The following RNF213 variants were observed in gnomAD, a reference collection of about 807,000 sequenced individuals.
RNF213 encodes the protein E3 ubiquitin-protein ligase RNF213.
RNF213 carries 341 observed loss-of-function variants against 514.4 expected under a neutral mutation model. The ratio of observed to expected loss-of-function variants is 0.66; its 90% CI spans 0.61 to 0.73. RNF213 has a LOEUF of 0.73. Ranked by LOEUF, RNF213 falls within the 30% of genes least tolerant of loss-of-function variation. The pLI is 0.00. For missense variants in RNF213, 5,767 were observed against 6,615.6 expected, an observed-to-expected ratio of 0.87 and a Z score of 4.45; for synonymous variants, 2,655 against 2,658.2, an observed-to-expected ratio of 1.00 and a Z score of 0.04.
At chr17:80,344,299 G>A (rs1038786955) in intron 28 of RNF213, among the ~76,000 whole-genome samples, 1 of 152,204 alleles carries the variant, frequency 6.6e-6, no homozygotes, top group Non-Finnish European at 1.5e-5. Context: ...CTGAATCTAG[G>A]AAATTCATCT....
intron 15 of RNF213, chr17:80,315,790 G>A (rs1417827388): frequency 2.6e-4 from 10 of 37,778 alleles, no homozygotes; most frequent in African/African-American, 6.8e-4. Context: ...GGTGGTGGTG[G>A]TGGTGGTGGT....
Position 80,372,699 on chromosome 17 carries a change from C to T in RNF213, c.12716C>T (p.Ala4239Val), listed in dbSNP as rs2079563647. 1.4e-5 allele frequency: 23 copies of T among 1,613,888 alleles called. No individual in the cohort carries two copies. In the East Asian group the frequency reaches 4.9e-4, roughly 34 times the overall value. The change falls in exon 48 of 68, where the codon GCT becomes GTT. Residue 4239 changes from alanine to valine, a missense_variant. Physicochemically the swap from Ala to Val is moderately conservative, Grantham distance 64. Coordinates refer to ENST00000582970, the MANE Select transcript of RNF213 (RefSeq NM_001256071.3). ...VARIRLCLDR[A>V]ADFLSEPEGG... is the part of the protein sequence containing the mutation. ...CGGATCCGCCTCTGCCTCGACAGAG[C>T]TGCAGATTTCCTCTCGGAGCCTGAG...
intron 42 of RNF213, 160 bp downstream of exon 42, chr17:80,364,713 T>C (rs1372836970): frequency 2.5e-6 from 2 of 789,422 alleles, no homozygotes; most frequent in African/African-American, 1.7e-5. Context: ...GCCATTACAT[T>C]TTCCATGTTT....
intron 55 of RNF213, among the ~76,000 whole-genome samples, chr17:80,380,566 G>A (rs549736771): frequency 2.8e-4 from 43 of 152,162 alleles, no homozygotes; most frequent in Non-Finnish European, 4.7e-4. Flanking sequence ...CCAGGCCTGC[G>A]TCTTAACACC....
rs141381946 is a variant in RNF213, at chr17:80,277,429, C to T, written c.261+4025C>T. On this transcript the variant is annotated intron_variant, in intron 3 of 67. Transcript: ENST00000582970. ...CCTGACCAACATGGGGAAACCCCGTCTCTACTAAAAATACAAAAAGTAGCC... is the reference window on the plus strand; with the variant it reads ...CCTGACCAACATGGGGAAACCCCGTTTCTACTAAAAATACAAAAAGTAGCC... 2.1e-3 allele frequency among the ~76,000 whole-genome samples: 312 copies of T among 152,076 alleles called. 2 individuals carry two copies. Among genetic ancestry groups the T allele is most frequent in the African/African-American group, 6.8e-3 (284 of 41,472 alleles).
chr17:80,298,343 C>T lies in RNF213; in HGVS notation c.2035C>T (p.Leu679=). 6.2e-7 allele frequency: 1 copy of T among 1,614,178 alleles called. No individual in the cohort carries two copies. The highest frequency in any genetic ancestry group is 1.3e-5 in the African/African-American group (1 of 75,048). The part of the protein sequence containing the change: ...PQSWRLYLVN[L]CQRCMDTRTY... The stretch of plus-strand genomic sequence containing the variant: ...CAGCTGGCGGCTGTACCTGGTGAAC[C>T]TGTGCCAAAGATGCATGGACACAAG... The change falls in exon 11 of 68, where the codon CTG becomes TTG. Residue 679 remains leucine, a synonymous_variant. Coordinates refer to ENST00000582970, the MANE Select transcript of RNF213 (RefSeq NM_001256071.3).
At chr17:80,286,957 G>A (rs553818390) in intron 3 of RNF213, among the ~76,000 whole-genome samples, 1 of 152,328 alleles carries the variant, frequency 6.6e-6, no homozygotes, top group South Asian at 2.1e-4. Context: ...TGAGGGTGCG[G>A]TGGGAGCTGC....
chr17:80,331,928 G>T (rs575404986), intron 20 of RNF213, 78 bp from the exon 21 acceptor site: 1 of 1,460,916 alleles, frequency 6.8e-7, no homozygotes, highest in East Asian at 2.5e-5. Flanking sequence ...AGTGAGGAGA[G>T]AAAGTCTTAG....
Position 80,353,558 on chromosome 17 carries a change from G to C in RNF213, c.10470G>C (p.Glu3490Asp). The C allele has an allele frequency of 6.2e-7, 1 of 1,613,340 alleles. No individual in the cohort carries two copies. Among genetic ancestry groups the C allele is most frequent in the Non-Finnish European group, 8.5e-7 (1 of 1,179,720 alleles). The change falls in exon 34 of 68, where the codon GAG becomes GAC. Residue 3490 changes from glutamate to aspartate, a missense_variant. Glu to Asp is a conservative substitution (Grantham distance 45, BLOSUM62 2). This residue lies in a region of RNF213 where 919 missense variants were observed against 1,121.0 expected (regional missense o/e 0.82). Coordinates refer to ENST00000582970, the MANE Select transcript of RNF213 (RefSeq NM_001256071.3). This position sits in a 1 kb window ranked among gnomAD's most constrained non-coding sequence, Gnocchi z 5.0. ...RAEDGHEEAM[E>D]TEASTSGEVA... ...AAGACGGCCATGAGGAGGCGATGGA[G>C]ACGGAGGCCAGCACATCAGGGGAGG... is the stretch of plus-strand genomic sequence containing the variant.
At chr17:80,270,022 A>G (rs1201613709) in intron 2 of RNF213, among the ~76,000 whole-genome samples, 1 of 152,212 alleles carries the variant, frequency 6.6e-6, no homozygotes, top group Admixed American at 6.5e-5. Flanking sequence ...AAGTTTCCTC[A>G]CCCTGGGCCA....
chr17:80,338,719 C>G (rs1157491055), intron 25 of RNF213, among the ~76,000 whole-genome samples: 3 of 151,466 alleles, frequency 2.0e-5, no homozygotes, highest in South Asian at 4.2e-4. Context: ...GAGGCCGAGG[C>G]GGGCCTATCA....
At chr17:80,387,589 C>G (rs1182726840) in intron 63 of RNF213, among the ~76,000 whole-genome samples, 1 of 152,244 alleles carries the variant, frequency 6.6e-6, no homozygotes, top group Non-Finnish European at 1.5e-5. Flanking sequence ...CTAGCCACTC[C>G]TAACTGGTGC....
chr17:80,389,696 G>T (rs2080384470), intron 65 of RNF213, 132 bp from the exon 66 acceptor site: 1 of 809,768 alleles, frequency 1.2e-6, no homozygotes. Context: ...TCACAAGGAG[G>T]GAGATCACAT....
intron 11 of RNF213, among the ~76,000 whole-genome samples, chr17:80,303,473 A>G (rs1301733929): frequency 1.3e-5 from 2 of 152,166 alleles, no homozygotes; most frequent in East Asian, 1.9e-4. Context: ...CCTGGATCCC[A>G]ACTTCTGCTA....
At chr17:80,322,705 G>T (rs552200759) in intron 17 of RNF213, among the ~76,000 whole-genome samples, 1 of 152,074 alleles carries the variant, frequency 6.6e-6, no homozygotes, top group African/African-American at 2.4e-5. Flanking sequence ...ATGAGCCACC[G>T]CACCTGGCCT....
Position 80,264,935 on chromosome 17 carries a change from G to A in RNF213, c.97+1157G>A, listed in dbSNP as rs1408750751. Among the ~76,000 whole-genome samples the A allele has an allele frequency of 1.3e-5, 2 of 152,056 alleles. No individual in the cohort carries two copies. The highest frequency in any genetic ancestry group is 2.1e-4 in the South Asian group (1 of 4,828). ...TTTGCACCACCCTTCCCCAGAGGGCGGCCTGGCTCCCTCCTTCCCCTCTTT... is the reference window on the plus strand; with the variant it reads ...TTTGCACCACCCTTCCCCAGAGGGCAGCCTGGCTCCCTCCTTCCCCTCTTT... On this transcript the variant is annotated intron_variant, in intron 2 of 67. Coordinates refer to ENST00000582970, the MANE Select transcript of RNF213 (RefSeq NM_001256071.3). The surrounding 1 kb of genome is among the most constrained non-coding windows in gnomAD (Gnocchi z 5.0).
At position 80,339,743 on chromosome 17, in the gene RNF213, C is replaced by A; in HGVS notation, c.5376C>A (p.Phe1792Leu). 6.5e-7 allele frequency: 1 copy of A among 1,537,158 alleles called. No individual in the cohort carries two copies. The highest frequency in any genetic ancestry group is 8.7e-7 in the Non-Finnish European group (1 of 1,146,860). Residue 1792 changes from phenylalanine to leucine, a missense_variant, in exon 26 of 68, where the codon TTC becomes TTA. Around this residue, in one of 13 missense-constraint regions of RNF213, gnomAD observed 1,377 missense variants for 1,635.2 expected, o/e 0.84. Coordinates refer to ENST00000582970, the MANE Select transcript of RNF213 (RefSeq NM_001256071.3). ...MEQSMRCLPA[F>L]LPDCLDLETL... Reference sequence around the variant, plus strand: ...AGTCCATGAGGTGCCTTCCTGCCTTCCTGCCCGACTGCCTCGACCTAGAGA... The same window carrying A: ...AGTCCATGAGGTGCCTTCCTGCCTTACTGCCCGACTGCCTCGACCTAGAGA...
At chr17:80,307,230 C>T in intron 13 of RNF213, 29 bp downstream of exon 13, 2 of 1,609,622 alleles carry the variant, frequency 1.2e-6, no homozygotes, top group Non-Finnish European at 1.7e-6. Context: ...GCAGTCTCTC[C>T]CTCACATGCG....
chr17:80,346,482 A>G lies in RNF213; in HGVS notation c.8147A>G (p.Asp2716Gly), dbSNP rs2078316411. Residue 2716 changes from aspartate (D) to glycine (G), a missense_variant, in exon 29 of 68, where the codon GAC (aspartate) becomes GGC (glycine). Transcript: ENST00000582970. This position sits in a 1 kb window ranked among gnomAD's most constrained non-coding sequence, Gnocchi z 8.1. Reference protein sequence around the residue: ...AIARFFPKPYDDSRLLLDEIT... With the variant: ...AIARFFPKPYGDSRLLLDEIT... The stretch of plus-strand genomic sequence containing the variant: ...GCCAGGTTCTTTCCGAAACCGTATG[A>G]CGACAGCAGGCTGCTTCTGGATGAA... 1 of 1,613,894 alleles carries G rather than the reference A, an allele frequency of 6.2e-7. No homozygotes were observed.
Sources: allele counts gnomAD v4.1 joint callset (sites outside exome capture counted in the v4.1 genomes callset), GRCh38; gene constraint gnomAD v4.1.1; regional missense constraint gnomAD v4.1.1; non-coding constraint Gnocchi (gnomAD v3.1); transcripts MANE v1.5; gene names NCBI Gene and HGNC (gene_info 2026-07-23, HGNC 2026-07-21).